CSMD2: variants seen among roughly 807,000 people sequenced by gnomAD.
The protein encoded by CSMD2 is CUB and Sushi multiple domains 2, also known as CUB and sushi domain-containing protein 2.
CSMD2 carries 130 observed loss-of-function variants against 398.5 expected under a neutral mutation model. That is an observed-to-expected ratio of 0.33 (90% CI 0.28 to 0.38). CSMD2 has a LOEUF of 0.38. Among genes scored for constraint, CSMD2 ranks in the 10% least tolerant of loss-of-function variants. The probability of loss-of-function intolerance (pLI) is 1.00; values close to 1 mark genes in which losing one functional copy is unlikely to be tolerated. For synonymous variants in CSMD2, 1,828 were observed against 1,908.5 expected (o/e 0.96, Z 1.10); for missense variants, 3,829 against 4,764.9 (o/e 0.80, Z 5.78).
intron 65 of CSMD2, 22 bp from the exon 66 acceptor site, chr1:33,525,065 T>C (rs201348886): frequency 5.7e-4 from 924 of 1,613,432 alleles, no homozygotes; most frequent in Non-Finnish European, 7.6e-4. Context: ...GAGAAATAGA[T>C]GTGAGAGGGA....
intron 14 of CSMD2, among the ~76,000 whole-genome samples, chr1:33,742,309 GA>G (rs1647095146): frequency 6.6e-6 from 1 of 152,352 alleles, no homozygotes; most frequent in South Asian, 2.1e-4. Flanking sequence ...GAGATAGGTG[GA>G]AAACGGAGGC....
intron 4 of CSMD2, among the ~76,000 whole-genome samples, chr1:33,928,988 T>C (rs961556200): frequency 6.6e-6 from 1 of 152,200 alleles, no homozygotes; most frequent in African/African-American, 2.4e-5. Flanking sequence ...TTTGGATGTC[T>C]CACAGGCGTC....
At chr1:33,911,651 G>C (rs1471536251) in intron 5 of CSMD2, among the ~76,000 whole-genome samples, 1 of 152,196 alleles carries the variant, frequency 6.6e-6, no homozygotes, top group Non-Finnish European at 1.5e-5. Context: ...ACTCAAAAGG[G>C]TTACTTGCTG....
intron 2 of CSMD2, among the ~76,000 whole-genome samples, chr1:34,063,574 G>T (rs568571416): frequency 3.9e-5 from 6 of 152,330 alleles, no homozygotes; most frequent in African/African-American, 9.6e-5. Context: ...GATGCAAGAG[G>T]TAGATTCCCA....
At chr1:34,005,344 G>A (rs1284231495) in intron 3 of CSMD2, among the ~76,000 whole-genome samples, 2 of 152,252 alleles carry the variant, frequency 1.3e-5, no homozygotes, top group African/African-American at 4.8e-5. Flanking sequence ...GGCTATGGGA[G>A]AGGATTAGGT....
rs562501800 is a variant in CSMD2, at chr1:33,772,874, G to A, written c.1664-123C>T. The A allele has an allele frequency of 2.9e-5, 22 of 765,126 alleles. No homozygotes were observed. In the Admixed American group the frequency reaches 6.2e-4, roughly 22 times the overall value. 47.4% of individuals were successfully genotyped at this position (765,126 alleles called of 1,614,324 possible). On this transcript the variant is annotated intron_variant, in intron 12 of 70. Transcript: ENST00000373381. ...ATAAGTCAGTGCTCAGAGTGACACA[G>A]GTAGGATTCAACGTTCTTATAAGGA...
At chr1:33,740,596 T>G (rs1034943965) in intron 14 of CSMD2, among the ~76,000 whole-genome samples, 10 of 152,300 alleles carry the variant, frequency 6.6e-5, no homozygotes, top group African/African-American at 2.4e-4. Flanking sequence ...GGGCTTCAGT[T>G]GAGTGCCCAA....
Position 33,982,203 on chromosome 1 carries a change from G to A in CSMD2, c.518-46249C>T, listed in dbSNP as rs148291906. Among the ~76,000 whole-genome samples, 199 of 152,216 alleles carry A rather than the reference G, an allele frequency of 1.3e-3. 2 individuals are homozygous for A. The Middle Eastern group carries it at 0.02, about 16-fold the overall frequency. Reference sequence around the variant, plus strand: ...CAAAATGACTACCAGTTTTCTTGGGGGGCTACTGGATGAACAGACGTTCCA... The same window carrying A: ...CAAAATGACTACCAGTTTTCTTGGGAGGCTACTGGATGAACAGACGTTCCA... On this transcript the variant is annotated intron_variant, in intron 3 of 70. Coordinates refer to ENST00000373381, the MANE Select transcript of CSMD2 (RefSeq NM_001281956.2).
chr1:33,633,303 G>A lies in CSMD2; in HGVS notation c.5200+119C>T. The A allele has an allele frequency of 1.4e-6, 1 of 732,886 alleles. No individual in the cohort carries two copies. Among genetic ancestry groups the A allele is most frequent in the Non-Finnish European group, 2.3e-6 (1 of 425,726 alleles). The allele number at this position is 732,886 out of a possible 1,614,324, so 45.4% of individuals were successfully genotyped here. The stretch of plus-strand genomic sequence containing the variant: ...GTAGACAAGCACCAGAACACGACAG[G>A]CACGCAGAGCCGTAGGGTTCCACCT... On this transcript the variant is annotated intron_variant, in intron 32 of 70. Transcript: ENST00000373381. The surrounding 1 kb of genome is among the most constrained non-coding windows in gnomAD (Gnocchi z 5.0).
intron 12 of CSMD2, among the ~76,000 whole-genome samples, chr1:33,779,164 A>C (rs905476620): frequency 6.6e-6 from 1 of 151,282 alleles, no homozygotes; most frequent in African/African-American, 2.4e-5. Context: ...TAAAATCCTA[A>C]CTCCTCAGCA....
At position 33,793,446 on chromosome 1, in the gene CSMD2, C is replaced by A. The variant is rs186042265; in HGVS notation, c.1447-920G>T. Among the ~76,000 whole-genome samples the A allele has an allele frequency of 7.2e-5, 11 of 152,276 alleles. No homozygotes were observed. The East Asian group carries it at 2.1e-3, about 29-fold the overall frequency. On this transcript the variant is annotated intron_variant, in intron 10 of 70. Coordinates refer to ENST00000373381, the MANE Select transcript of CSMD2 (RefSeq NM_001281956.2). ...GTTGCTAGCAGATCTACAAACTGAA[C>A]ATACCTGCTAGCTGCCTGGCTCTCG...
chr1:33,672,636 T>G (rs1267230559), intron 25 of CSMD2, among the ~76,000 whole-genome samples: 3 of 151,918 alleles, frequency 2.0e-5, no homozygotes, highest in Non-Finnish European at 1.5e-5. Context: ...GCACGCAGCT[T>G]GAGATCTGAG....
At chr1:33,614,318 GTTAATCTCTGCCATTC>G (rs1641243659) in intron 40 of CSMD2, among the ~76,000 whole-genome samples, 170 bp downstream of exon 40, 1 of 152,006 alleles carries the variant, frequency 6.6e-6, no homozygotes, top group South Asian at 2.1e-4. Flanking sequence ...CCCCCTATAT[GTTAATCTCTGCCATTC>G]TTAATTGGTC....
At chr1:33,677,760 A>G (rs1433344948) in intron 25 of CSMD2, among the ~76,000 whole-genome samples, 1 of 152,040 alleles carries the variant, frequency 6.6e-6, no homozygotes, top group Non-Finnish European at 1.5e-5. Context: ...CATATACACC[A>G]TGGAATACTA....
At chr1:33,718,407 C>A (rs1646245690) in intron 19 of CSMD2, among the ~76,000 whole-genome samples, 1 of 152,228 alleles carries the variant, frequency 6.6e-6, no homozygotes, top group South Asian at 2.1e-4. Flanking sequence ...AGCTTGAATC[C>A]AGATTTGATG....
chr1:33,678,074 G>A (rs368536708), intron 25 of CSMD2, among the ~76,000 whole-genome samples: 5 of 151,368 alleles, frequency 3.3e-5, no homozygotes, highest in East Asian at 3.9e-4. Flanking sequence ...AAACCTGCAC[G>A]TTCTGCACAT....
intron 1 of CSMD2, among the ~76,000 whole-genome samples, chr1:34,108,036 A>G (rs1382341957): frequency 1.3e-5 from 2 of 151,962 alleles, no homozygotes; most frequent in South Asian, 2.1e-4. Context: ...TTTCATAGAC[A>G]CTCCATTAAT....
At chr1:33,657,875 G>A (rs1643998849) in intron 27 of CSMD2, 71 bp downstream of exon 27, 2 of 1,431,438 alleles carry the variant, frequency 1.4e-6, no homozygotes, top group Non-Finnish European at 1.9e-6. Flanking sequence ...TGCAGCTGCT[G>A]TGCATGGAAG....
intron 7 of CSMD2, among the ~76,000 whole-genome samples, chr1:33,823,041 A>G (rs1291682895): frequency 6.6e-6 from 1 of 152,062 alleles, no homozygotes; most frequent in Admixed American, 6.5e-5. Context: ...TATTGACATC[A>G]CCCAGGAAGC....
Sources: gnomAD v4.1 joint callset for allele counts (sites outside exome capture counted in the v4.1 genomes callset) on GRCh38, gnomAD v4.1.1 for gene constraint, Gnocchi (gnomAD v3.1) non-coding constraint, MANE v1.5 for transcripts, NCBI Gene and HGNC (gene_info 2026-07-23, HGNC 2026-07-21) for gene names.